Variants in LHCGR observed in about 807,000 individuals in gnomAD.
LHCGR encodes the protein luteinizing hormone/choriogonadotropin receptor, also known as lutropin-choriogonadotropic hormone receptor.
LHCGR carries 55 observed loss-of-function variants against 60.7 expected under a neutral mutation model. The observed-to-expected ratio is 0.91, with a 90% confidence interval of 0.73 to 1.13. The LOEUF (loss-of-function observed/expected upper bound fraction) is 1.13, where lower values mean the gene tolerates loss of function less well. Ranked by LOEUF, LHCGR falls within the 50% of genes most tolerant of loss-of-function variation. The pLI, the probability that LHCGR is intolerant of heterozygous loss-of-function variation, is 0.00. For missense variants in LHCGR, 862 were observed against 836.0 expected (o/e 1.03, Z -0.38); for synonymous variants, 337 against 316.5 (o/e 1.06, Z -0.69).
At chr2:48,732,839 TG>T (rs1212974522) in intron 1 of LHCGR, 1 of 533,106 alleles carries the variant, frequency 1.9e-6, no homozygotes, top group Non-Finnish European at 3.9e-6. Context: ...CTCTTAGAAA[TG>T]ATATAACCTA....
At chr2:48,706,994 C>G (rs552290833) in intron 8 of LHCGR, among the ~76,000 whole-genome samples, 1 of 152,274 alleles carries the variant, frequency 6.6e-6, no homozygotes, top group Non-Finnish European at 1.5e-5. Flanking sequence ...GAATTTTCAG[C>G]CTTTCTGCTC....
chr2:48,743,893 G>A (rs1669585256), intron 1 of LHCGR, among the ~76,000 whole-genome samples: 2 of 151,622 alleles, frequency 1.3e-5, no homozygotes, highest in South Asian at 4.2e-4. Context: ...AGGAAAAGAG[G>A]AAGTCAAATT....
chr2:48,691,485 T>G (rs1558805988), intron 10 of LHCGR, among the ~76,000 whole-genome samples: 1 of 152,170 alleles, frequency 6.6e-6, no homozygotes, highest in African/African-American at 2.4e-5. Context: ...CATTTTTTAA[T>G]CTTTAAAGGG....
In LHCGR at chr2:48,746,632, A is replaced by C. The variant is rs546849553; in HGVS notation, c.161+8879T>G. On this transcript the variant is annotated intron_variant, in intron 1 of 10. Transcript: ENST00000294954. ...TTATCATGTGAACCAAGATGTTAAG[A>C]AGATTCCTGGATAATGGATTTTTCA... 7.9e-5 allele frequency among the ~76,000 whole-genome samples: 12 copies of C among 152,338 alleles called. No individual in the cohort carries two copies. The East Asian group carries it at 2.3e-3, about 29-fold the overall frequency.
At chr2:48,753,240 AAGACCATAC>A (rs1167596378) in intron 1 of LHCGR, among the ~76,000 whole-genome samples, 1 of 152,178 alleles carries the variant, frequency 6.6e-6, no homozygotes, top group Non-Finnish European at 1.5e-5. Context: ...CTGCTGAGCT[AAGACCATAC>A]TTTGAGAAAT....
At chr2:48,702,725 G>A (rs146413883) in intron 8 of LHCGR, among the ~76,000 whole-genome samples, 1,894 of 152,220 alleles carry the variant, frequency 0.012, 21 homozygotes, top group Non-Finnish European at 0.021. Flanking sequence ...ATAAACATAC[G>A]TGTGCATGTG....
chr2:48,722,936 T>G (rs62135398), intron 6 of LHCGR, among the ~76,000 whole-genome samples: 21,011 of 152,086 alleles, frequency 0.14, 1,750 homozygotes, highest in South Asian at 0.26. Flanking sequence ...CACATTATTT[T>G]TAAGCATTAA....
At chr2:48,732,893 G>C in intron 1 of LHCGR, 1 of 534,340 alleles carries the variant, frequency 1.9e-6, no homozygotes, top group Non-Finnish European at 3.8e-6. Context: ...ATTCCCGAAG[G>C]CATTCCCAAG....
intron 6 of LHCGR, chr2:48,721,812 T>C (rs1047988247): frequency 6.4e-6 from 3 of 470,782 alleles, no homozygotes; most frequent in Middle Eastern, 3.3e-4. Flanking sequence ...GAGAGGGATA[T>C]GGATTTTAGG....
At chr2:48,724,124 T>A (rs550892979) in intron 4 of LHCGR, among the ~76,000 whole-genome samples, 18 of 152,344 alleles carry the variant, frequency 1.2e-4, no homozygotes, top group African/African-American at 4.3e-4. Context: ...TCAAGAAAAT[T>A]AATCTTTTAT....
At chr2:48,711,118 G>T (rs1230135787) in intron 7 of LHCGR, among the ~76,000 whole-genome samples, 1 of 152,084 alleles carries the variant, frequency 6.6e-6, no homozygotes, top group Non-Finnish European at 1.5e-5. Context: ...TCTGTAACGT[G>T]CTTCCCTCAC....
At chr2:48,695,624 C>G (rs558359037) in intron 9 of LHCGR, among the ~76,000 whole-genome samples, 2 of 152,202 alleles carry the variant, frequency 1.3e-5, no homozygotes, top group Admixed American at 6.5e-5. Flanking sequence ...CTATGCTATT[C>G]ACAAAAACAA....
In LHCGR at chr2:48,725,722, A is replaced by T. The variant is rs140691492; in HGVS notation, c.337T>A (p.Tyr113Asn). 2,943 of 1,613,278 alleles carry T rather than the reference A, an allele frequency of 1.8e-3. 8 individuals are homozygous for T. The highest frequency in any genetic ancestry group is 2.1e-3 in the Non-Finnish European group (2,529 of 1,179,472). ...TTTATAAATGCTCCGGGCTCAATGT[A>T]TCTCAGATTTTTGGTGTTCTGGATC... Reference protein sequence around the residue: ...ILIQNTKNLRYIEPGAFINLP... With the variant: ...ILIQNTKNLRNIEPGAFINLP... Residue 113 changes from tyrosine to asparagine, a missense_variant, in exon 4 of 11, where the codon TAC becomes AAC. Tyr to Asn is a moderately radical substitution (Grantham distance 143). Transcript: ENST00000294954.
chr2:48,731,307 GA>G lies in LHCGR; in HGVS notation c.162-10del. 1.2e-6 allele frequency: 2 copies of G among 1,601,194 alleles called. No individual in the cohort carries two copies. Among genetic ancestry groups the G allele is most frequent in the Non-Finnish European group, 8.5e-7 (1 of 1,170,874 alleles). ...GGAGGTAGGCAAGTGATCTAGAAAA[GA>G]AAAAAGGAAATCCAAGAGTTTAAGA... On this transcript the variant is annotated splice_polypyrimidine_tract_variant and intron_variant, in intron 1 of 10. Coordinates refer to ENST00000294954, the MANE Select transcript of LHCGR (RefSeq NM_000233.4).
chr2:48,716,731 G>C (rs754216076), intron 6 of LHCGR, among the ~76,000 whole-genome samples: 11 of 152,154 alleles, frequency 7.2e-5, no homozygotes, highest in Non-Finnish European at 1.3e-4. Flanking sequence ...GCAGTCTCCT[G>C]TCATTTTAGG....
chr2:48,752,981 C>T (rs1261558674), intron 1 of LHCGR, among the ~76,000 whole-genome samples: 2 of 7,624 alleles, frequency 2.6e-4, no homozygotes, highest in Non-Finnish European at 5.1e-4. Flanking sequence ...CGGATTTTGG[C>T]GGGGGGGGGG....
chr2:48,750,460 C>T (rs1346858197), intron 1 of LHCGR, among the ~76,000 whole-genome samples: 1 of 152,186 alleles, frequency 6.6e-6, no homozygotes, highest in Non-Finnish European at 1.5e-5. Flanking sequence ...TGCTATTTCC[C>T]ATTCAAATGA....
At chr2:48,716,113 T>C (rs1232715339) in intron 6 of LHCGR, among the ~76,000 whole-genome samples, 2 of 152,012 alleles carry the variant, frequency 1.3e-5, no homozygotes, top group Non-Finnish European at 2.9e-5. Flanking sequence ...CCTTTCTATA[T>C]TGCAGAATCT....
At chr2:48,693,614 G>C (rs1666970399) in intron 10 of LHCGR, among the ~76,000 whole-genome samples, 1 of 152,216 alleles carries the variant, frequency 6.6e-6, no homozygotes, top group African/African-American at 2.4e-5. Flanking sequence ...ATGTGCCATA[G>C]GGACACTGGG....
Sources: allele counts gnomAD v4.1 joint callset (sites outside exome capture counted in the v4.1 genomes callset), GRCh38; gene constraint gnomAD v4.1.1; transcripts MANE v1.5; gene names NCBI Gene and HGNC (gene_info 2026-07-23, HGNC 2026-07-21).